CERT1: variants seen among roughly 807,000 people sequenced by gnomAD.
CERT1 encodes the protein ceramide transporter 1.
Under a neutral mutation model 87.9 loss-of-function variants are expected in CERT1, and 31 were observed. The observed-to-expected ratio is 0.35, with a 90% confidence interval of 0.27 to 0.48. The LOEUF (loss-of-function observed/expected upper bound fraction) is 0.48. Among genes scored for constraint, CERT1 ranks in the 20% least tolerant of loss-of-function variants. The probability of loss-of-function intolerance (pLI) is 0.99; values close to 1 mark genes in which losing one functional copy is unlikely to be tolerated. For synonymous variants in CERT1, 289 were observed against 250.9 expected (o/e 1.15, Z -1.44); for missense variants, 487 against 758.0 (o/e 0.64, Z 4.20).
intron 8 of CERT1, among the ~76,000 whole-genome samples, chr5:75,407,297 T>C (rs189057407): frequency 1.5e-4 from 23 of 151,740 alleles, no homozygotes; most frequent in Admixed American, 6.6e-4. Context: ...GAAGAGACCA[T>C]TGGAAAATAA....
intron 3 of CERT1, among the ~76,000 whole-genome samples, chr5:75,427,669 C>G (rs531664916): frequency 6.6e-6 from 1 of 152,258 alleles, no homozygotes; most frequent in African/African-American, 2.4e-5. Context: ...TATCCTTTGA[C>G]AATATATCAT....
intron 16 of CERT1, among the ~76,000 whole-genome samples, chr5:75,379,816 C>T (rs948535620): frequency 6.6e-6 from 1 of 152,114 alleles, no homozygotes; most frequent in African/African-American, 2.4e-5. Flanking sequence ...AACTCTTGAC[C>T]TCATGATCCG....
downstream of CERT1, chr5:75,374,950 G>T: frequency 3.9e-6 from 1 of 256,890 alleles, no homozygotes; most frequent in Non-Finnish European, 7.7e-6. Flanking sequence ...AGTGTGAAGT[G>T]ACACAGTGTA....
At chr5:75,509,303 A>G (rs991977066) in intron 1 of CERT1, among the ~76,000 whole-genome samples, 13 of 152,208 alleles carry the variant, frequency 8.5e-5, no homozygotes, top group Non-Finnish European at 5.9e-5. Context: ...ATTTACATTT[A>G]AAAACATCTA....
At chr5:75,452,514 T>G (rs1007719630) in intron 3 of CERT1, among the ~76,000 whole-genome samples, 1 of 152,164 alleles carries the variant, frequency 6.6e-6, no homozygotes, top group African/African-American at 2.4e-5. Context: ...GGGAGTACAT[T>G]TTTTTCATAG....
intron 2 of CERT1, among the ~76,000 whole-genome samples, chr5:75,460,894 C>T (rs1023149956): frequency 6.6e-6 from 1 of 152,076 alleles, no homozygotes. Flanking sequence ...TCAGTATGTG[C>T]TGGACAATAA....
intron 2 of CERT1, among the ~76,000 whole-genome samples, chr5:75,462,003 A>G (rs1765253731): frequency 6.6e-6 from 1 of 152,140 alleles, no homozygotes; most frequent in South Asian, 2.1e-4. Flanking sequence ...AAAAATTTTG[A>G]TATTTTGCTC....
chr5:75,492,494 G>A (rs535059890), intron 2 of CERT1, among the ~76,000 whole-genome samples: 2 of 152,270 alleles, frequency 1.3e-5, no homozygotes, highest in African/African-American at 4.8e-5. Flanking sequence ...TACCAGAGGA[G>A]GAAAAGGCAT....
intron 7 of CERT1, among the ~76,000 whole-genome samples, chr5:75,414,408 A>C (rs1763056272): frequency 6.6e-6 from 1 of 152,208 alleles, no homozygotes; most frequent in African/African-American, 2.4e-5. Flanking sequence ...TTATGTATTA[A>C]TTTTAAATGA....
chr5:75,387,935 T>C (rs1479413527), intron 12 of CERT1, among the ~76,000 whole-genome samples: 1 of 152,136 alleles, frequency 6.6e-6, no homozygotes, highest in Non-Finnish European at 1.5e-5. Context: ...TAGAGGGACG[T>C]CATCCAGACC....
At chr5:75,418,621 T>C (rs116491591) in intron 6 of CERT1, among the ~76,000 whole-genome samples, 2 of 152,172 alleles carry the variant, frequency 1.3e-5, no homozygotes, top group African/African-American at 2.4e-5. Flanking sequence ...ACACAAACTA[T>C]GGTATATCTA....
chr5:75,411,077 C>T lies in CERT1; in HGVS notation c.864G>A (p.Glu288=), dbSNP rs1227338793. ...CTGTCATTGCATTTTTATATGCTTC[C>T]TCTGTTCTTCTTTTCTTCTCAGTTT... ...DKETEKKRRT[E]EAYKNAMTEL... The change falls in exon 8 of 17, where the codon GAG becomes GAA. Residue 288 remains glutamate, a synonymous_variant. Coordinates refer to ENST00000643780, the MANE Select transcript of CERT1 (RefSeq NM_001379029.1). 1.3e-6 allele frequency: 2 copies of T among 1,582,340 alleles called. No individual in the cohort carries two copies. Among genetic ancestry groups the T allele is most frequent in the Non-Finnish European group, 8.6e-7 (1 of 1,163,214 alleles).
chr5:75,393,807 T>C (rs925878888), intron 11 of CERT1, among the ~76,000 whole-genome samples: 3 of 149,258 alleles, frequency 2.0e-5, no homozygotes, highest in African/African-American at 7.4e-5. Context: ...CTACTAAAAA[T>C]ATAAAAAATT....
At chr5:75,507,902 T>C (rs901613956) in intron 1 of CERT1, among the ~76,000 whole-genome samples, 10 of 152,208 alleles carry the variant, frequency 6.6e-5, no homozygotes, top group Non-Finnish European at 1.3e-4. Context: ...TCCTTCATAG[T>C]AAACCCTTAA....
chr5:75,447,470 ATTTATTT>A (rs955466590), intron 3 of CERT1, among the ~76,000 whole-genome samples: 10 of 150,566 alleles, frequency 6.6e-5, no homozygotes, highest in African/African-American at 2.4e-4. Flanking sequence ...TTATTTATTT[ATTTATTT>A]TTTATTTTTT....
rs749732217 is a variant in CERT1, at chr5:75,403,047, G to A, written c.942C>T (p.Asn314=). ...AGAACTCTTCTTCATTAATCAGACT[G>A]TTAGGGCCTTCCTATTCCAACACAC... The part of the protein sequence containing the change: ...FGGPDYEEGP[N]SLINEEEFFD... The change falls in exon 9 of 17, where the codon AAC becomes AAT. Residue 314 remains asparagine, a synonymous_variant. Coordinates refer to ENST00000643780, the MANE Select transcript of CERT1 (RefSeq NM_001379029.1). 420 of 1,611,636 alleles carry A rather than the reference G, an allele frequency of 2.6e-4. No individual in the cohort carries two copies. The highest frequency in any genetic ancestry group is 8.5e-5 in the Non-Finnish European group (100 of 1,177,984).
intron 17 of CERT1, chr5:75,370,636 T>G (rs1226227899): frequency 1.3e-5 from 2 of 152,118 alleles, no homozygotes; most frequent in Admixed American, 6.5e-5. Flanking sequence ...ACTTGATATA[T>G]TCCTCCTGTT....
At chr5:75,443,594 G>A (rs775336051) in intron 3 of CERT1, among the ~76,000 whole-genome samples, 13 of 152,160 alleles carry the variant, frequency 8.5e-5, no homozygotes, top group Non-Finnish European at 1.8e-4. Flanking sequence ...CCTAATACAT[G>A]ATCTAACCTA....
At chr5:75,396,372 A>G (rs1012181902) in intron 11 of CERT1, among the ~76,000 whole-genome samples, 2 of 152,258 alleles carry the variant, frequency 1.3e-5, no homozygotes, top group African/African-American at 4.8e-5. Flanking sequence ...ATTATAAAAC[A>G]AAGAATTTGG....
Sources: gnomAD v4.1 joint callset for allele counts (sites outside exome capture counted in the v4.1 genomes callset) on GRCh38, gnomAD v4.1.1 for gene constraint, MANE v1.5 for transcripts, NCBI Gene and HGNC (gene_info 2026-07-23, HGNC 2026-07-21) for gene names.